The following CTNNA2 variants were observed in gnomAD, a reference collection of about 807,000 sequenced individuals.
CTNNA2 encodes the protein catenin alpha 2.
A neutral mutation model predicts 101.0 loss-of-function variants in CTNNA2; 42 were observed. The observed-to-expected ratio is 0.42, with a 90% confidence interval of 0.32 to 0.54. CTNNA2 has a LOEUF of 0.54. CTNNA2 is among the 20% of genes least tolerant of loss of function. The pLI, the probability that CTNNA2 is intolerant of heterozygous loss-of-function variation, is 0.14. For missense variants in CTNNA2, 871 were observed against 1,223.1 expected (o/e 0.71, Z 4.29); for synonymous variants, 450 against 456.4 (o/e 0.99, Z 0.18).
chr2:80,547,019 G>A (rs1156496724), intron 11 of CTNNA2, among the ~76,000 whole-genome samples: 2 of 152,222 alleles, frequency 1.3e-5, no homozygotes, highest in African/African-American at 4.8e-5. Flanking sequence ...GGGAGACATT[G>A]CATCACTGTT....
chr2:79,294,643 T>C (rs1675930910), intron 2 of CTNNA2, among the ~76,000 whole-genome samples: 1 of 152,188 alleles, frequency 6.6e-6, no homozygotes, highest in African/African-American at 2.4e-5. Flanking sequence ...TTTTATAGAT[T>C]ATCAGAAGGA....
chr2:80,053,339 C>A (rs7558349), intron 7 of CTNNA2, among the ~76,000 whole-genome samples: 129,587 of 152,220 alleles, frequency 0.85, 55,347 homozygotes, highest in East Asian at 0.98. Context: ...ATGAAAATGC[C>A]GGTAAATAAT....
intron 9 of CTNNA2, 62 bp downstream of exon 9, chr2:80,419,663 C>T: frequency 6.7e-7 from 1 of 1,499,964 alleles, no homozygotes; most frequent in Non-Finnish European, 9.1e-7. Context: ...GCATATGGCT[C>T]TTAGAATTTC....
At chr2:79,410,159 G>A (rs2104490242) in intron 4 of CTNNA2, among the ~76,000 whole-genome samples, 1 of 147,682 alleles carries the variant, frequency 6.8e-6, no homozygotes, top group East Asian at 2.0e-4. Flanking sequence ...TTTGTATCCT[G>A]AGACTTTGCT....
At position 79,495,790 on chromosome 2, in the gene CTNNA2, C is replaced by T. The variant is rs192408828; in HGVS notation, c.-134-9264C>T. Among the ~76,000 whole-genome samples the T allele has an allele frequency of 4.0e-5, 6 of 151,898 alleles. No homozygotes were observed. The East Asian group carries it at 5.8e-4, about 15-fold the overall frequency. ...AGTAATTTTTTAAAAAATGAAGTACCGATACATGATACAGTATCATGGATA... is the reference window on the plus strand; with the variant it reads ...AGTAATTTTTTAAAAAATGAAGTACTGATACATGATACAGTATCATGGATA... On this transcript the variant is annotated intron_variant, in intron 4 of 21. Coordinates refer to the CTNNA2 transcript ENST00000466387.
intron 7 of CTNNA2, among the ~76,000 whole-genome samples, chr2:80,051,004 G>T (rs1336771123): frequency 6.6e-6 from 1 of 152,152 alleles, no homozygotes; most frequent in African/African-American, 2.4e-5. Flanking sequence ...AAGATTACAG[G>T]CGTGAGCCAT....
chr2:79,306,964 T>G (rs1428399553), intron 2 of CTNNA2, among the ~76,000 whole-genome samples: 2 of 152,234 alleles, frequency 1.3e-5, no homozygotes, highest in Non-Finnish European at 2.9e-5. Context: ...TTGAGATTAC[T>G]ATGTTTCTTT....
intron 1 of CTNNA2, among the ~76,000 whole-genome samples, chr2:79,627,034 C>T (rs1679356477): frequency 6.6e-6 from 1 of 152,166 alleles, no homozygotes; most frequent in African/African-American, 2.4e-5. Flanking sequence ...CCCTAGGTCT[C>T]ATTTCCTAAA....
At chr2:80,336,575 G>T (rs1297828867) in intron 7 of CTNNA2, among the ~76,000 whole-genome samples, 1 of 152,128 alleles carries the variant, frequency 6.6e-6, no homozygotes. Flanking sequence ...TATACACAAT[G>T]AATGAGTTTT....
intron 7 of CTNNA2, among the ~76,000 whole-genome samples, chr2:80,350,212 A>C (rs1011167715): frequency 6.6e-6 from 1 of 152,150 alleles, no homozygotes; most frequent in African/African-American, 2.4e-5. Context: ...CTTTGACAGA[A>C]AGTTTGGAAT....
rs571733414 is a variant in CTNNA2 at position 79,832,167 on chromosome 2, C to T, written c.299-25846C>T. On this transcript the variant is annotated intron_variant, in intron 3 of 18. Transcript: ENST00000402739. ...TGGCACAGTTCTGAAATGGACTGAA[C>T]GGCCTGTGTCGCCTATGGCCATGTT... is the stretch of plus-strand genomic sequence containing the variant. 1.4e-4 allele frequency among the ~76,000 whole-genome samples: 21 copies of T among 152,280 alleles called. No individual in the cohort carries two copies. In the South Asian group the frequency reaches 1.7e-3, roughly 12 times the overall value.
intron 7 of CTNNA2, among the ~76,000 whole-genome samples, chr2:80,322,144 G>A (rs1197963400): frequency 2.0e-5 from 3 of 152,026 alleles, no homozygotes; most frequent in Non-Finnish European, 4.4e-5. Context: ...TTTCTAGAGA[G>A]CAAATTAATT....
intron 7 of CTNNA2, among the ~76,000 whole-genome samples, chr2:80,287,312 C>T (rs1335296070): frequency 1.3e-5 from 2 of 152,046 alleles, no homozygotes; most frequent in African/African-American, 4.8e-5. Context: ...TACCATCTTC[C>T]CCCCTCCCGT....
At chr2:79,657,960 G>A (rs1681734408) in intron 2 of CTNNA2, among the ~76,000 whole-genome samples, 1 of 151,594 alleles carries the variant, frequency 6.6e-6, no homozygotes, top group Non-Finnish European at 1.5e-5. Flanking sequence ...CCCTCTTTGG[G>A]ATATAATTTT....
At position 79,544,326 on chromosome 2, in the gene CTNNA2, C is replaced by A. The variant is rs552267489; in HGVS notation, c.-6+31119C>A. On this transcript the variant is annotated intron_variant, in intron 1 of 18. Coordinates refer to ENST00000402739, the MANE Select transcript of CTNNA2 (RefSeq NM_001282597.3). ...GTCTAGAGAAGTCAGTCCATAATCT[C>A]TTGAGCTGAAAGACAAACCACAAAA... Among the ~76,000 whole-genome samples, 112 of 152,320 alleles carry A rather than the reference C, an allele frequency of 7.4e-4. 1 individual carries two copies. In the South Asian group the frequency reaches 0.012, roughly 16 times the overall value.
At chr2:79,755,078 T>G (rs543646750) in intron 3 of CTNNA2, among the ~76,000 whole-genome samples, 49 of 152,136 alleles carry the variant, frequency 3.2e-4, no homozygotes, top group Admixed American at 8.5e-4. Flanking sequence ...GTAATCCCAG[T>G]GCTTTGGGAT....
At chr2:79,226,953 G>A (rs74716024) in intron 2 of CTNNA2, among the ~76,000 whole-genome samples, 1 of 149,026 alleles carries the variant, frequency 6.7e-6, no homozygotes, top group African/African-American at 2.5e-5. Context: ...CAGCTGCTCA[G>A]ATGGAGAGCT....
chr2:80,363,572 A>G (rs1674628662), intron 7 of CTNNA2, among the ~76,000 whole-genome samples: 2 of 152,254 alleles, frequency 1.3e-5, no homozygotes, highest in South Asian at 4.1e-4. Flanking sequence ...TTATTAAACA[A>G]GATGTCGAAT....
chr2:80,519,123 G>T (rs1415491941), intron 9 of CTNNA2, among the ~76,000 whole-genome samples: 1 of 152,062 alleles, frequency 6.6e-6, no homozygotes, highest in Admixed American at 6.6e-5. Context: ...TCTCTTTTGT[G>T]TGTGTGTGTA....
Sources: gnomAD v4.1 joint callset for allele counts (sites outside exome capture counted in the v4.1 genomes callset) on GRCh38, gnomAD v4.1.1 for gene constraint, MANE v1.5 for transcripts, NCBI Gene and HGNC (gene_info 2026-07-23, HGNC 2026-07-21) for gene names.